The following CPB2 variants were observed in gnomAD, a reference collection of about 807,000 sequenced individuals.
The protein encoded by CPB2 is carboxypeptidase B-like protein.
CPB2 carries 54 observed loss-of-function variants against 57.0 expected under a neutral mutation model. The ratio of observed to expected loss-of-function variants is 0.95; its 90% CI spans 0.76 to 1.19. The LOEUF is 1.19. CPB2 is among the 50% of genes most tolerant of loss of function. CPB2 has a pLI of 0.00. For missense variants in CPB2, 426 were observed against 512.0 expected (o/e 0.83, Z 1.62); for synonymous variants, 189 against 178.1 (o/e 1.06, Z -0.49).
intron 4 of CPB2, 126 bp from the exon 5 acceptor site, chr13:46,079,027 G>A: frequency 1.6e-6 from 1 of 612,506 alleles, no homozygotes; most frequent in Non-Finnish European, 2.9e-6. Context: ...AGGACCTAAA[G>A]CACTTAGGGC....
chr13:46,055,585 T>C (rs1057196977), intron 10 of CPB2, among the ~76,000 whole-genome samples, 177 bp downstream of exon 10: 4 of 152,256 alleles, frequency 2.6e-5, no homozygotes, highest in African/African-American at 9.6e-5. Flanking sequence ...CATTTATTAA[T>C]ATAGCTTTGT....
chr13:46,061,321 G>A (rs943148462), intron 8 of CPB2, among the ~76,000 whole-genome samples: 1 of 152,178 alleles, frequency 6.6e-6, no homozygotes, highest in Non-Finnish European at 1.5e-5. Context: ...GAAAATGTGT[G>A]GTGCTATCTT....
intron 1 of CPB2, among the ~76,000 whole-genome samples, chr13:46,097,733 T>A (rs1179743954): frequency 6.6e-6 from 1 of 152,178 alleles, no homozygotes; most frequent in Non-Finnish European, 1.5e-5. Flanking sequence ...AAATCAATAC[T>A]CATGTGGTGC....
intron 6 of CPB2, among the ~76,000 whole-genome samples, chr13:46,070,923 A>C (rs577104548): frequency 8.0e-4 from 122 of 152,338 alleles, no homozygotes; most frequent in Non-Finnish European, 1.6e-3. Context: ...ATTGAGCACC[A>C]ATTATGTTGA....
At chr13:46,063,631 A>G (rs1457081534) in intron 8 of CPB2, among the ~76,000 whole-genome samples, 1 of 152,170 alleles carries the variant, frequency 6.6e-6, no homozygotes, top group African/African-American at 2.4e-5. Context: ...CAATGAACAT[A>G]TGATTGCATG....
At chr13:46,068,725 T>C (rs982821631) in intron 6 of CPB2, among the ~76,000 whole-genome samples, 40 of 150,376 alleles carry the variant, frequency 2.7e-4, no homozygotes, top group Non-Finnish European at 3.8e-4. Context: ...CGGTGTGTGA[T>C]GTTCCCCTCC....
intron 1 of CPB2, chr13:46,094,798 A>C (rs547512795): frequency 1.3e-5 from 2 of 152,324 alleles, no homozygotes; most frequent in Non-Finnish European, 2.9e-5. Flanking sequence ...GGATAATGAG[A>C]GAGGCTGAGG....
intron 8 of CPB2, among the ~76,000 whole-genome samples, chr13:46,062,272 A>C (rs1258285455): frequency 6.6e-6 from 1 of 152,214 alleles, no homozygotes; most frequent in Non-Finnish European, 1.5e-5. Flanking sequence ...AACTTCCAAA[A>C]GGGAACTGAT....
chr13:46,054,843 C>G (rs2044674506), intron 10 of CPB2, among the ~76,000 whole-genome samples: 2 of 151,736 alleles, frequency 1.3e-5, no homozygotes, highest in Non-Finnish European at 2.9e-5. Flanking sequence ...CCCCACCTCC[C>G]AGGTTCAAGT....
intron 1 of CPB2, among the ~76,000 whole-genome samples, chr13:46,104,690 T>A (rs2045473009): frequency 6.6e-6 from 1 of 152,208 alleles, no homozygotes; most frequent in Admixed American, 6.5e-5. Flanking sequence ...AGTCACTGGA[T>A]ATGCGTATCA....
At chr13:46,054,173 T>C (rs1305187017) in intron 10 of CPB2, among the ~76,000 whole-genome samples, 1 of 152,202 alleles carries the variant, frequency 6.6e-6, no homozygotes, top group African/African-American at 2.4e-5. Context: ...GGGCGAAAAA[T>C]AATATCCAAC....
intron 6 of CPB2, among the ~76,000 whole-genome samples, chr13:46,070,391 A>G (rs539809795): frequency 1.3e-5 from 2 of 152,212 alleles, no homozygotes; most frequent in Non-Finnish European, 2.9e-5. Context: ...TAAAAGAAAA[A>G]GAAGATGAGA....
intron 8 of CPB2, 96 bp from the exon 9 acceptor site, chr13:46,058,477 A>G: frequency 2.0e-6 from 2 of 989,212 alleles, no homozygotes; most frequent in Non-Finnish European, 3.1e-6. Context: ...CTATGTTGCA[A>G]CACTTTTAGA....
At chr13:46,091,754 G>A (rs1455783131) in intron 1 of CPB2, among the ~76,000 whole-genome samples, 1 of 152,200 alleles carries the variant, frequency 6.6e-6, no homozygotes, top group East Asian at 1.9e-4. Context: ...ACACAGCCAA[G>A]GCAATAGATT....
intron 1 of CPB2, among the ~76,000 whole-genome samples, chr13:46,104,494 A>G (rs1011583036): frequency 6.6e-6 from 1 of 152,180 alleles, no homozygotes; most frequent in Non-Finnish European, 1.5e-5. Context: ...CTAAATAATC[A>G]TGCATGATCC....
intron 1 of CPB2, chr13:46,099,522 C>T (rs751637160): frequency 6.6e-6 from 1 of 152,144 alleles, no homozygotes; most frequent in Non-Finnish European, 1.5e-5. Context: ...AGATAGGACA[C>T]CTTATCAAGC....
At chr13:46,098,333 G>C (rs374927990) in intron 1 of CPB2, 8 of 152,212 alleles carry the variant, frequency 5.3e-5, no homozygotes, top group African/African-American at 1.7e-4. Context: ...ATGGCCTCGA[G>C]ACTAGCTGTA....
intron 8 of CPB2, 96 bp downstream of exon 8, chr13:46,064,552 G>A (rs2044823599): frequency 4.1e-6 from 4 of 964,078 alleles, no homozygotes; most frequent in African/African-American, 1.6e-5. Context: ...ATTCAGACAG[G>A]CCAGCTCTGT....
intron 1 of CPB2, among the ~76,000 whole-genome samples, chr13:46,102,060 A>G (rs17067700): frequency 0.55 from 84,360 of 152,144 alleles, 24,301 homozygotes; most frequent in Non-Finnish European, 0.62. Context: ...TGAAAACAAT[A>G]CATCAGTAGG....
Sources: allele counts gnomAD v4.1 joint callset (sites outside exome capture counted in the v4.1 genomes callset), GRCh38; gene constraint gnomAD v4.1.1; transcripts MANE v1.5; gene names NCBI Gene and HGNC (gene_info 2026-07-23, HGNC 2026-07-21).